The following RARB variants were observed in gnomAD, a reference collection of about 807,000 sequenced individuals.
RARB encodes the protein HBV-activated protein.
In RARB, 17 loss-of-function variants were observed where a neutral mutation model predicts 51.9. That is an observed-to-expected ratio of 0.33 (90% CI 0.22 to 0.49). The LOEUF (loss-of-function observed/expected upper bound fraction) is 0.49. Among genes scored for constraint, RARB ranks in the 20% least tolerant of loss-of-function variants. The probability of loss-of-function intolerance (pLI) is 0.99; values close to 1 mark genes in which losing one functional copy is unlikely to be tolerated. For missense variants in RARB, 369 were observed against 550.8 expected (o/e 0.67, Z 3.30); for synonymous variants, 215 against 195.4 (o/e 1.10, Z -0.84).
At chr3:25,410,627 G>T (rs938394617) in intron 5 of RARB, among the ~76,000 whole-genome samples, 2 of 152,124 alleles carry the variant, frequency 1.3e-5, no homozygotes, top group African/African-American at 2.4e-5. Context: ...TAGAAAACAC[G>T]GGGGTGTCTA....
chr3:25,345,895 A>G lies in RARB; in HGVS notation c.179-115298A>G, dbSNP rs190303341. ...CCACCACTAAATATGTATAATTATCACATGTCAGTTTAAAAAAAGAGAGAA... is the reference window on the plus strand; with the variant it reads ...CCACCACTAAATATGTATAATTATCGCATGTCAGTTTAAAAAAAGAGAGAA... On this transcript the variant is annotated intron_variant, in intron 5 of 11. Transcript: ENST00000383772. 46 of 911,148 alleles carry G rather than the reference A, an allele frequency of 5.0e-5. 1 individual carries two copies. The East Asian group carries it at 5.0e-3, about 98-fold the overall frequency. 56.4% of individuals were successfully genotyped at this position (911,148 alleles called of 1,614,324 possible).
intron 5 of RARB, among the ~76,000 whole-genome samples, chr3:25,413,071 C>A (rs1168612066): frequency 1.3e-5 from 2 of 151,506 alleles, no homozygotes; most frequent in African/African-American, 4.8e-5. Context: ...ACCCGAACAC[C>A]AAAAGCTCCT....
At chr3:25,088,811 A>T (rs1263083835) in intron 3 of RARB, among the ~76,000 whole-genome samples, 1 of 151,162 alleles carries the variant, frequency 6.6e-6, no homozygotes, top group East Asian at 2.0e-4. Flanking sequence ...AGAGTCTCTG[A>T]CAAGTTGCTA....
chr3:25,493,193 T>C (rs1476112424), intron 2 of RARB, among the ~76,000 whole-genome samples: 1 of 152,146 alleles, frequency 6.6e-6, no homozygotes, highest in Non-Finnish European at 1.5e-5. Flanking sequence ...ATCAAAATAA[T>C]AGGGTGTTTT....
At chr3:25,257,851 T>A (rs1330404250) in intron 5 of RARB, among the ~76,000 whole-genome samples, 1 of 152,008 alleles carries the variant, frequency 6.6e-6, no homozygotes, top group Non-Finnish European at 1.5e-5. Context: ...CCAAATACCA[T>A]CCGACATTCT....
chr3:25,009,648 C>T (rs1397039775), intron 2 of RARB, among the ~76,000 whole-genome samples: 1 of 152,080 alleles, frequency 6.6e-6, no homozygotes, highest in Non-Finnish European at 1.5e-5. Context: ...AGGCATTTCA[C>T]CCTCTGAGTC....
chr3:25,494,253 G>GCACACGCACACACACA (rs1696900308), intron 2 of RARB, among the ~76,000 whole-genome samples: 2 of 131,852 alleles, frequency 1.5e-5, no homozygotes, highest in Non-Finnish European at 3.5e-5. Context: ...TGTATCTTAC[G>GCACACGCACACACACA]CACACACACA....
intron 1 of RARB, among the ~76,000 whole-genome samples, chr3:25,446,901 G>C (rs1273185490): frequency 6.6e-6 from 1 of 150,962 alleles, no homozygotes; most frequent in Non-Finnish European, 1.5e-5. Context: ...AATCTTGCGT[G>C]TGGATTCAGG....
At chr3:24,883,804 T>C (rs766639257) in intron 2 of RARB, among the ~76,000 whole-genome samples, 1 of 152,162 alleles carries the variant, frequency 6.6e-6, no homozygotes, top group Non-Finnish European at 1.5e-5. Context: ...AAACTCTGAT[T>C]ACTGAAATAG....
chr3:24,974,870 T>C (rs1169349759), intron 2 of RARB, among the ~76,000 whole-genome samples: 1 of 152,164 alleles, frequency 6.6e-6, no homozygotes, highest in Non-Finnish European at 1.5e-5. Flanking sequence ...ATTTGCTCTC[T>C]AGTCAGGGCT....
upstream of RARB, chr3:25,428,174 C>G (rs1575393356): frequency 4.4e-6 from 5 of 1,141,296 alleles, no homozygotes; most frequent in South Asian, 1.8e-4. Flanking sequence ...TGATGTCAGA[C>G]TAGTTGGGTC....
chr3:24,934,976 A>G (rs1179164883), intron 2 of RARB, among the ~76,000 whole-genome samples: 1 of 152,130 alleles, frequency 6.6e-6, no homozygotes, highest in Non-Finnish European at 1.5e-5. Context: ...CACCCTAAAG[A>G]CTTGAAGTGT....
chr3:25,084,733 T>C (rs1699074512), intron 3 of RARB, among the ~76,000 whole-genome samples: 1 of 151,806 alleles, frequency 6.6e-6, no homozygotes, highest in Non-Finnish European at 1.5e-5. Flanking sequence ...ATATTCCATC[T>C]GTTTGGGGTT....
At chr3:25,477,407 G>A (rs1187049997) in intron 2 of RARB, among the ~76,000 whole-genome samples, 2 of 152,112 alleles carry the variant, frequency 1.3e-5, no homozygotes, top group Non-Finnish European at 2.9e-5. Context: ...CACAATGGTT[G>A]AACTTATCAA....
intron 3 of RARB, among the ~76,000 whole-genome samples, chr3:25,121,564 A>G (rs1273965852): frequency 6.6e-6 from 1 of 152,190 alleles, no homozygotes; most frequent in Admixed American, 6.5e-5. Flanking sequence ...GTTTTGGCTT[A>G]GCAAGGTATT....
chr3:24,912,211 C>T (rs568011560), intron 2 of RARB, among the ~76,000 whole-genome samples: 2 of 152,206 alleles, frequency 1.3e-5, no homozygotes, highest in Admixed American at 6.5e-5. Context: ...ATGATAGTGT[C>T]CACGAGCTTT....
At chr3:24,967,822 A>T (rs1466480251) in intron 2 of RARB, among the ~76,000 whole-genome samples, 1 of 152,200 alleles carries the variant, frequency 6.6e-6, no homozygotes, top group Non-Finnish European at 1.5e-5. Flanking sequence ...TAATGGATTA[A>T]CAGGTCAAAT....
At chr3:25,359,411 T>TA (rs200320151) in intron 5 of RARB, among the ~76,000 whole-genome samples, 8,857 of 151,416 alleles carry the variant, frequency 0.058, 794 homozygotes, top group African/African-American at 0.19. Flanking sequence ...TGTTAATTTT[T>TA]TAAAAAAATA....
chr3:25,490,568 C>A (rs1696683274), intron 2 of RARB, among the ~76,000 whole-genome samples: 1 of 152,202 alleles, frequency 6.6e-6, no homozygotes. Flanking sequence ...CTTCTGCTTA[C>A]CTTTTTCTCC....
Sources: gnomAD v4.1 joint callset for allele counts (sites outside exome capture counted in the v4.1 genomes callset) on GRCh38, gnomAD v4.1.1 for gene constraint, MANE v1.5 for transcripts, NCBI Gene and HGNC (gene_info 2026-07-23, HGNC 2026-07-21) for gene names.